PARP10: variants seen among roughly 807,000 people sequenced by gnomAD.
PARP10 encodes the protein poly(ADP-ribose) polymerase family member 10.
In PARP10, 56 loss-of-function variants were observed where a neutral mutation model predicts 82.4. The ratio of observed to expected loss-of-function variants is 0.68; its 90% CI spans 0.55 to 0.85. The LOEUF is 0.85. PARP10 is among the 40% of genes least tolerant of loss of function. The pLI, the probability that PARP10 is intolerant of heterozygous loss-of-function variation, is 0.00. For synonymous variants in PARP10, 576 were observed against 601.1 expected (o/e 0.96, Z 0.61); for missense variants, 1,227 against 1,379.4 (o/e 0.89, Z 1.75).
In PARP10 at chr8:143,984,720, C is replaced by T; in HGVS notation, c.1282G>A (p.Gly428Arg). The change falls in exon 5 of 11, where the codon GGG (glycine) becomes AGG (arginine). Residue 428 changes from glycine to arginine, a missense_variant. Gly to Arg is a moderately radical substitution (Grantham distance 125). Transcript: ENST00000313028. Reference protein sequence around the residue: ...EITMGSLEKAGPVSPGCVKLA... With the variant: ...EITMGSLEKARPVSPGCVKLA... ...TTCACACATCCTGGGCTCACAGGCC[C>T]TGCCTTCTCCAGAGACCCCATGGTG... is the stretch of plus-strand genomic sequence containing the variant. 1 of 1,614,066 alleles carries T rather than the reference C, an allele frequency of 6.2e-7. No individual in the cohort carries two copies. Among genetic ancestry groups the T allele is most frequent in the Non-Finnish European group, 8.5e-7 (1 of 1,179,958 alleles).
intron 1 of PARP10, among the ~76,000 whole-genome samples, chr8:144,012,066 T>C (rs1335456443): frequency 6.6e-6 from 1 of 152,218 alleles, no homozygotes; most frequent in Non-Finnish European, 1.5e-5. Flanking sequence ...ACACTGGGGT[T>C]TCCAGGAACG....
In PARP10 at chr8:144,012,418, T is replaced by G. The variant is rs1834295367; in HGVS notation, c.-80+112A>C. On this transcript the variant is annotated intron_variant, in intron 1 of 3. Transcript: ENST00000530478. ...GGCCCACTGGGCCAGCCTTGCAGACTCTGCACCCTCCTTCAGCCCAGGCAA... is the reference window on the plus strand; with the variant it reads ...GGCCCACTGGGCCAGCCTTGCAGACGCTGCACCCTCCTTCAGCCCAGGCAA... 14 of 1,082,976 alleles carry G rather than the reference T, an allele frequency of 1.3e-5. No individual in the cohort carries two copies. In the South Asian group the frequency reaches 1.8e-4, roughly 14 times the overall value. 67.1% of individuals were successfully genotyped at this position (1,082,976 alleles called of 1,614,324 possible). A position where few individuals can be genotyped will look rare whatever the true frequency, so the allele number is the denominator to read the frequency against.
At chr8:143,991,432 C>G, upstream of PARP10, 1 of 1,445,602 alleles carries the variant, frequency 6.9e-7, no homozygotes, top group Non-Finnish European at 9.2e-7. Flanking sequence ...GGGGGCTACC[C>G]ACAGGGTCCC....
intron 9 of PARP10, among the ~76,000 whole-genome samples, chr8:143,982,334 C>T (rs976165792): frequency 1.4e-5 from 2 of 143,506 alleles, no homozygotes; most frequent in African/African-American, 2.5e-5. Flanking sequence ...ATTAGCCGGG[C>T]GTGGTGGCAG....
chr8:143,991,779 G>T (rs782433978), upstream of PARP10: 1 of 1,613,172 alleles, frequency 6.2e-7, no homozygotes, highest in South Asian at 1.1e-5. Flanking sequence ...GATGACAAGA[G>T]CATCCGACAG....
At position 143,983,433 on chromosome 8, in the gene PARP10, A is replaced by C. The variant is rs1554748229; in HGVS notation, c.2156T>G (p.Val719Gly). 1 of 1,605,418 alleles carries C rather than the reference A, an allele frequency of 6.2e-7. No individual in the cohort carries two copies. Among genetic ancestry groups the C allele is most frequent in the Non-Finnish European group, 8.5e-7 (1 of 1,179,436 alleles). The change falls in exon 8 of 11, where the codon GTG becomes GGG. Residue 719 changes from valine to glycine, a missense_variant. Coordinates refer to ENST00000313028, the MANE Select transcript of PARP10 (RefSeq NM_032789.5). ...CCTGAGCGCCCGGTCCAGCTCCTCC[A>C]CATCCTGCTCAAAGGCCGAGTGCAC... Reference protein sequence around the residue: ...LVVHSAFEQDVEELDRALRAA... With the variant: ...LVVHSAFEQDGEELDRALRAA...
rs1489434391 is a variant in PARP10 at position 144,011,412 on chromosome 8, G to T, written c.-80+1118C>A. On this transcript the variant is annotated intron_variant, in intron 1 of 3. Coordinates refer to the PARP10 transcript ENST00000530478. The surrounding 1 kb of genome is among the most constrained non-coding windows in gnomAD (Gnocchi z 4.5). ...GTCCAGGCAGAATGCTCAACTCACA[G>T]CGATCCCAGCCCTGGCTGACCTTCT... Among the ~76,000 whole-genome samples the T allele has an allele frequency of 6.6e-6, 1 of 152,116 alleles. No individual in the cohort carries two copies. Among genetic ancestry groups the T allele is most frequent in the African/African-American group, 2.4e-5 (1 of 41,428 alleles).
chr8:143,991,347 T>C, upstream of PARP10: 1 of 1,331,524 alleles, frequency 7.5e-7, no homozygotes, highest in Non-Finnish European at 1.0e-6. Context: ...TGGGGCCCCT[T>C]ACCCACAGCC....
intron 1 of PARP10, among the ~76,000 whole-genome samples, chr8:144,001,667 T>C (rs1478245929): frequency 2.6e-5 from 4 of 151,632 alleles, no homozygotes; most frequent in Non-Finnish European, 5.9e-5. Flanking sequence ...GGTCACGCCA[T>C]TGCACACCAG....
chr8:143,992,500 C>T (rs190088005), upstream of PARP10: 3 of 1,614,154 alleles, frequency 1.9e-6, 1 homozygote, highest in Admixed American at 5.0e-5. Context: ...TGGGCGTGCT[C>T]CTGGTGAGCA....
intron 1 of PARP10, among the ~76,000 whole-genome samples, chr8:143,999,846 G>A (rs1337524998): frequency 1.3e-5 from 2 of 152,094 alleles, no homozygotes; most frequent in African/African-American, 4.8e-5. Flanking sequence ...TGAACTGGAA[G>A]ACAGGTCGAT....
chr8:144,012,354 C>A (rs1261851596), intron 1 of PARP10: 4 of 628,980 alleles, frequency 6.4e-6, no homozygotes, highest in Middle Eastern at 4.3e-4. Context: ...GCAGAGAGGG[C>A]AAGGAAGAGG....
At chr8:143,992,127 C>T (rs1834108888), upstream of PARP10, 2 of 1,601,324 alleles carry the variant, frequency 1.2e-6, no homozygotes, top group African/African-American at 1.3e-5. Flanking sequence ...CATGCAGTCC[C>T]ACACGCCCAC....
intron 1 of PARP10, among the ~76,000 whole-genome samples, chr8:144,010,721 T>C (rs775671264): frequency 1.5e-4 from 23 of 151,752 alleles, no homozygotes; most frequent in Non-Finnish European, 2.9e-4. Context: ...CAAAAAAAAA[T>C]GTTTTTAATA....
At chr8:143,999,434 G>T (rs529864557) in intron 1 of PARP10, among the ~76,000 whole-genome samples, 9 of 152,096 alleles carry the variant, frequency 5.9e-5, no homozygotes, top group Non-Finnish European at 1.3e-4. Context: ...GAACTGCTGA[G>T]CTCAAGTGGT....
At chr8:143,992,387 C>T (rs782310784), upstream of PARP10, 10 of 1,608,016 alleles carry the variant, frequency 6.2e-6, no homozygotes, top group East Asian at 4.5e-5. Context: ...AGGGGCCTCC[C>T]GTGGCTGGGC....
chr8:143,980,929 A>G (rs1833835748), intron 9 of PARP10, among the ~76,000 whole-genome samples: 1 of 152,202 alleles, frequency 6.6e-6, no homozygotes, highest in South Asian at 2.1e-4. Context: ...CATAATAAAA[A>G]TAATGTAACT....
chr8:144,000,036 C>T (rs1834190258), intron 1 of PARP10, among the ~76,000 whole-genome samples: 1 of 152,056 alleles, frequency 6.6e-6, no homozygotes, highest in African/African-American at 2.4e-5. Flanking sequence ...ACCGGTAAGA[C>T]ATCGACCCAT....
chr8:143,992,381 G>T (rs79740425), upstream of PARP10: 5 of 1,606,856 alleles, frequency 3.1e-6, no homozygotes, highest in Non-Finnish European at 4.3e-6. Flanking sequence ...CAGGTGAGGG[G>T]CCTCCCGTGG....
Sources: allele counts gnomAD v4.1 joint callset (sites outside exome capture counted in the v4.1 genomes callset), GRCh38; gene constraint gnomAD v4.1.1; non-coding constraint Gnocchi (gnomAD v3.1); transcripts MANE v1.5; gene names NCBI Gene and HGNC (gene_info 2026-07-23, HGNC 2026-07-21).